Variants in LGSN observed in about 807,000 individuals in gnomAD.
LGSN encodes lengsin.
Under a neutral mutation model 19.5 loss-of-function variants are expected in LGSN, and 21 were observed. That is an observed-to-expected ratio of 1.07 (90% CI 0.76 to 1.55). LGSN has a LOEUF of 1.55. Ranked by LOEUF, LGSN falls within the 40% of genes most tolerant of loss-of-function variation. LGSN has a pLI of 0.00. For synonymous variants in LGSN, 257 were observed against 215.6 expected (o/e 1.19, Z -1.68); for missense variants, 673 against 608.5 (o/e 1.11, Z -1.12).
the LGSN span, chr6:63,480,338 C>A: frequency 4.7e-6 from 1 of 213,752 alleles, no homozygotes; most frequent in East Asian, 1.1e-4. Context: ...AAAAGCCAGC[C>A]TAGCAGGAAT....
At chr6:63,307,982 G>C (rs984496614) in intron 1 of LGSN, among the ~76,000 whole-genome samples, 2 of 152,200 alleles carry the variant, frequency 1.3e-5, no homozygotes, top group African/African-American at 4.8e-5. Context: ...TTACTACACA[G>C]GCAGAGTATT....
At chr6:63,432,202 AG>A in the LGSN span, among the ~76,000 whole-genome samples, 9 of 121,480 alleles carry the variant, frequency 7.4e-5, no homozygotes, top group Non-Finnish European at 1.4e-4. Context: ...AGAAAAGAAA[AG>A]AAAAGAAAAG....
At chr6:63,499,986 A>G in the LGSN span, among the ~76,000 whole-genome samples, 1 of 152,152 alleles carries the variant, frequency 6.6e-6, no homozygotes, top group African/African-American at 2.4e-5. Context: ...ATAATTCCAT[A>G]CATTTCTGAG....
At chr6:63,465,158 G>A in the LGSN span, among the ~76,000 whole-genome samples, 3 of 151,818 alleles carry the variant, frequency 2.0e-5, no homozygotes, top group Admixed American at 6.6e-5. Context: ...ACTACTGCGC[G>A]TCTATTTCCT....
the LGSN span, among the ~76,000 whole-genome samples, chr6:63,389,827 TA>T: frequency 1.3e-5 from 2 of 152,314 alleles, no homozygotes; most frequent in East Asian, 3.9e-4. Flanking sequence ...GCAGTCATTT[TA>T]AATTATTTTT....
chr6:63,311,235 A>G (rs767316077), intron 1 of LGSN, among the ~76,000 whole-genome samples: 1 of 152,174 alleles, frequency 6.6e-6, no homozygotes, highest in Non-Finnish European at 1.5e-5. Flanking sequence ...CTTATCTCCA[A>G]TTGATCTGGG....
chr6:63,350,717 C>T, the LGSN span, among the ~76,000 whole-genome samples: 30 of 151,904 alleles, frequency 2.0e-4, no homozygotes, highest in Non-Finnish European at 4.1e-4. Context: ...CTGGACATGG[C>T]AGCGCACACC....
At chr6:63,293,579 A>C in intron 2 of LGSN, 1 of 337,684 alleles carries the variant, frequency 3.0e-6, no homozygotes, top group Non-Finnish European at 5.9e-6. Context: ...AACCAACATT[A>C]CATTCTCTCT....
chr6:63,294,820 CAA>C (rs1009632868), intron 2 of LGSN, 91 bp downstream of exon 2: 53 of 1,314,558 alleles, frequency 4.0e-5, no homozygotes, highest in Middle Eastern at 1.8e-4. Context: ...TTGCTTCTCC[CAA>C]AAAAGAAATG....
the LGSN span, among the ~76,000 whole-genome samples, chr6:63,344,181 T>C: frequency 3.3e-5 from 5 of 152,308 alleles, no homozygotes; most frequent in African/African-American, 1.2e-4. Context: ...ATAGGTGTTG[T>C]CCCTAAATTA....
chr6:63,288,950 T>C (rs1767660327), intron 2 of LGSN, among the ~76,000 whole-genome samples: 1 of 152,222 alleles, frequency 6.6e-6, no homozygotes, highest in African/African-American at 2.4e-5. Flanking sequence ...ATTTTAACAA[T>C]TTTGGAGGAA....
At chr6:63,412,890 G>A in the LGSN span, among the ~76,000 whole-genome samples, 2 of 143,628 alleles carry the variant, frequency 1.4e-5, no homozygotes, top group Non-Finnish European at 3.0e-5. Flanking sequence ...GAAAGAGGGA[G>A]AGAAAGAGAG....
chr6:63,495,444 T>TTTTTTC, the LGSN span, among the ~76,000 whole-genome samples: 1 of 131,342 alleles, frequency 7.6e-6, no homozygotes, highest in Non-Finnish European at 1.6e-5. Context: ...TCTTCTTTCT[T>TTTTTTC]TTTTTCTTTT....
chr6:63,469,495 TG>T, the LGSN span, among the ~76,000 whole-genome samples: 1 of 152,082 alleles, frequency 6.6e-6, no homozygotes. Context: ...CAAGACATGG[TG>T]GGGTGGGGAG....
chr6:63,496,464 T>C, the LGSN span, among the ~76,000 whole-genome samples: 1 of 152,212 alleles, frequency 6.6e-6, no homozygotes, highest in Non-Finnish European at 1.5e-5. Flanking sequence ...TATAGCTGTG[T>C]GGCATCGCTA....
At chr6:63,423,675 C>T in the LGSN span, among the ~76,000 whole-genome samples, 1 of 150,792 alleles carries the variant, frequency 6.6e-6, no homozygotes, top group East Asian at 1.9e-4. Context: ...AAAAGTAATC[C>T]ACCAAGAAGA....
At chr6:63,514,737 G>T in the LGSN span, among the ~76,000 whole-genome samples, 106 of 152,210 alleles carry the variant, frequency 7.0e-4, 1 homozygote, top group Non-Finnish European at 5.4e-4. Flanking sequence ...TCTGGGTCTT[G>T]CTCAGTCACC....
At chr6:63,487,841 C>A in the LGSN span, among the ~76,000 whole-genome samples, 3 of 151,998 alleles carry the variant, frequency 2.0e-5, no homozygotes, top group Non-Finnish European at 4.4e-5. Flanking sequence ...ATTAGCCCAG[C>A]GTGGTAGTGG....
intron 3 of LGSN, among the ~76,000 whole-genome samples, chr6:63,284,057 T>C (rs1002136464): frequency 2.6e-5 from 4 of 152,198 alleles, no homozygotes; most frequent in Admixed American, 1.3e-4. Flanking sequence ...AATTATTTTC[T>C]CTTAAATTAC....
Sources: allele counts gnomAD v4.1 joint callset (sites outside exome capture counted in the v4.1 genomes callset), GRCh38; gene constraint gnomAD v4.1.1; transcripts MANE v1.5; gene names NCBI Gene and HGNC (gene_info 2026-07-23, HGNC 2026-07-21).